Variants in WDR44 observed in about 807,000 individuals in gnomAD.
The protein encoded by WDR44 is WD repeat-containing protein 44.
WDR44 carries 9 observed loss-of-function variants against 65.7 expected under a neutral mutation model. That is an observed-to-expected ratio of 0.14 (90% CI 0.08 to 0.24). The LOEUF (loss-of-function observed/expected upper bound fraction) is 0.24, where lower values mean the gene tolerates loss of function less well. Ranked by LOEUF, WDR44 falls within the 10% of genes least tolerant of loss-of-function variation. WDR44 has a pLI of 1.00. For synonymous variants in WDR44, 220 were observed against 235.2 expected, an observed-to-expected ratio of 0.94 and a Z score of 0.59; for missense variants, 425 against 670.9, an observed-to-expected ratio of 0.63 and a Z score of 4.05.
chrX:118,368,757 A>G (rs1455099849), intron 1 of WDR44, among the ~76,000 whole-genome samples: 2 of 85,018 alleles, frequency 2.4e-5, no homozygotes, highest in African/African-American at 9.9e-5. Flanking sequence ...TTGCTCTGTC[A>G]CCCAGGCTGG....
chrX:118,439,849 G>A (rs2057288618), intron 14 of WDR44, among the ~76,000 whole-genome samples: 1 of 109,583 alleles, frequency 9.1e-6, no homozygotes, highest in African/African-American at 3.3e-5. Context: ...GCTGGGTATG[G>A]TGGCTCACTC....
chrX:118,390,813 C>T (rs1006630037), intron 3 of WDR44, among the ~76,000 whole-genome samples: 5 of 111,718 alleles, frequency 4.5e-5, no homozygotes, highest in African/African-American at 1.6e-4. Context: ...TTTTTCATGT[C>T]ATCCATCACT....
chrX:118,368,483 T>TATATATATATATATATATATC (rs1569359132), intron 1 of WDR44, among the ~76,000 whole-genome samples: 21 of 87,618 alleles, frequency 2.4e-4, no homozygotes, highest in African/African-American at 9.0e-4. Flanking sequence ...ATATATATAC[T>TATATATATATATATATATATC]TCTTGAGGAC....
intron 14 of WDR44, among the ~76,000 whole-genome samples, chrX:118,439,896 G>A (rs1357789662): frequency 9.2e-6 from 1 of 109,209 alleles, no homozygotes; most frequent in Non-Finnish European, 1.9e-5. Flanking sequence ...GAGGCAGGAG[G>A]ATCACTTGAG....
intron 1 of WDR44, among the ~76,000 whole-genome samples, chrX:118,352,336 ATATATATATATATATATTTTT>A (rs2056415528): frequency 5.7e-5 from 1 of 17,566 alleles, no homozygotes; most frequent in African/African-American, 5.4e-4. Context: ...ATATATATAT[ATATATATATATATATATTTTT>A]TTTTTTTTTT....
chrX:118,398,253 ATAAT>A lies in WDR44; in HGVS notation c.1191-130_1191-127del, dbSNP rs2056882477. ...CTCCATCTCCTAAATAAATAAATAA[ATAAT>A]TAAAATTATGTAAAGCTTATTAGCG... On this transcript the variant is annotated intron_variant, in intron 7 of 19. Coordinates refer to ENST00000254029, the MANE Select transcript of WDR44 (RefSeq NM_019045.5). 1.2e-5 allele frequency: 5 copies of A among 419,424 alleles called. No individual in the cohort carries two copies. The Admixed American group carries it at 1.8e-4, about 15-fold the overall frequency. The allele number at this position is 419,424 out of a possible 1,213,427, so 34.6% of individuals were successfully genotyped here. A position where few individuals can be genotyped will look rare whatever the true frequency, so the allele number is the denominator to read the frequency against.
At chrX:118,348,997 A>G (rs1305352270) in intron 1 of WDR44, among the ~76,000 whole-genome samples, 4 of 111,923 alleles carry the variant, frequency 3.6e-5, no homozygotes, top group South Asian at 7.4e-4. Flanking sequence ...TACACAAGCT[A>G]TTTCCTAAAA....
intron 12 of WDR44, among the ~76,000 whole-genome samples, chrX:118,425,025 G>C (rs1047059567): frequency 9.0e-6 from 1 of 111,224 alleles, no homozygotes; most frequent in Non-Finnish European, 1.9e-5. Flanking sequence ...GTTGTTGTTC[G>C]AGCAAAGTAC....
At chrX:118,386,320 A>T (rs2056765566) in intron 2 of WDR44, 1 of 346,473 alleles carries the variant, frequency 2.9e-6, no homozygotes, top group Non-Finnish European at 5.5e-6. Context: ...AGAGTATTGT[A>T]TTGAGATTTG....
chrX:118,382,376 G>C (rs1046753472), intron 2 of WDR44, among the ~76,000 whole-genome samples: 29 of 111,734 alleles, frequency 2.6e-4, no homozygotes, highest in Non-Finnish European at 4.9e-4. Flanking sequence ...TCCAACAAAG[G>C]GAACAGCATT....
intron 12 of WDR44, among the ~76,000 whole-genome samples, chrX:118,418,415 G>C (rs1361120927): frequency 9.0e-6 from 1 of 111,020 alleles, no homozygotes; most frequent in African/African-American, 3.3e-5. Context: ...TATGGATGTG[G>C]CTTCCTGTGA....
At chrX:118,400,089 C>T (rs2056898158) in intron 8 of WDR44, among the ~76,000 whole-genome samples, 1 of 100,185 alleles carries the variant, frequency 1.0e-5, no homozygotes, top group Non-Finnish European at 1.9e-5. Context: ...CCTTGTCCCC[C>T]ACACCCCCCA....
At chrX:118,366,453 A>G (rs773823960) in intron 1 of WDR44, among the ~76,000 whole-genome samples, 75 of 111,750 alleles carry the variant, frequency 6.7e-4, no homozygotes, top group African/African-American at 2.3e-3. Flanking sequence ...TGAAGATGCA[A>G]TCAACAAAAT....
In WDR44 at chrX:118,352,144, T is replaced by G. The variant is rs2056410064; in HGVS notation, c.77+5564T>G. On this transcript the variant is annotated intron_variant, in intron 1 of 19. Coordinates refer to ENST00000254029, the MANE Select transcript of WDR44 (RefSeq NM_019045.5). ...ACAGATAAAATTTGTGTTGTTTGTT[T>G]TTTGTTTTTTGTTTTTTTTTTTGAG... Among the ~76,000 whole-genome samples, 4 of 67,117 alleles carry G rather than the reference T, an allele frequency of 6.0e-5. No individual in the cohort carries two copies. In the South Asian group the frequency reaches 2.0e-3, roughly 34 times the overall value. The allele number at this position is 67,117 out of a possible 115,157, so 58.3% of individuals were successfully genotyped here.
chrX:118,402,382 C>A (rs1000410730), intron 8 of WDR44, among the ~76,000 whole-genome samples: 4 of 95,756 alleles, frequency 4.2e-5, no homozygotes, highest in African/African-American at 1.6e-4. Context: ...TTGCAGTGAG[C>A]TGAGATCATG....
intron 1 of WDR44, among the ~76,000 whole-genome samples, chrX:118,374,663 A>G (rs1198899354): frequency 9.0e-6 from 1 of 111,688 alleles, no homozygotes; most frequent in Non-Finnish European, 1.9e-5. Flanking sequence ...CTGGAACTTG[A>G]CAGGCTATAG....
chrX:118,427,921 C>T (rs1001356656), intron 12 of WDR44, among the ~76,000 whole-genome samples: 1 of 109,735 alleles, frequency 9.1e-6, no homozygotes, highest in Admixed American at 9.7e-5. Context: ...ATGATCTGCC[C>T]GCCTCGGCCT....
chrX:118,438,167 G>A (rs959605527), intron 14 of WDR44, among the ~76,000 whole-genome samples: 1 of 111,312 alleles, frequency 9.0e-6, no homozygotes, highest in African/African-American at 3.3e-5. Context: ...AACACAGTGA[G>A]ACCCCACCTT....
intron 1 of WDR44, among the ~76,000 whole-genome samples, chrX:118,365,544 G>A (rs1053926665): frequency 1.8e-5 from 2 of 111,220 alleles, no homozygotes; most frequent in African/African-American, 6.5e-5. Flanking sequence ...AAAATTTTGG[G>A]GTCCTGTCAG....
Sources: allele counts gnomAD v4.1 joint callset (sites outside exome capture counted in the v4.1 genomes callset), GRCh38; gene constraint gnomAD v4.1.1; transcripts MANE v1.5; gene names NCBI Gene and HGNC (gene_info 2026-07-23, HGNC 2026-07-21).